The following DZIP1 variants were observed in gnomAD, a reference collection of about 807,000 sequenced individuals.
DZIP1 encodes DAZ interacting zinc finger protein 1.
DZIP1 carries 97 observed loss-of-function variants against 107.6 expected under a neutral mutation model. The ratio of observed to expected loss-of-function variants is 0.90; its 90% CI spans 0.77 to 1.07. The LOEUF (loss-of-function observed/expected upper bound fraction) is 1.07. DZIP1 is among the 50% of genes least tolerant of loss of function. DZIP1 has a pLI of 0.00. For synonymous variants in DZIP1, 390 were observed against 386.4 expected, an observed-to-expected ratio of 1.01 and a Z score of -0.11; for missense variants, 1,035 against 1,063.6, an observed-to-expected ratio of 0.97 and a Z score of 0.37.
chr13:95,588,955 T>C (rs775479405), intron 19 of DZIP1, among the ~76,000 whole-genome samples, 199 bp downstream of exon 19: 8 of 152,128 alleles, frequency 5.3e-5, no homozygotes, highest in Non-Finnish European at 8.8e-5. Flanking sequence ...CCACATGTGG[T>C]TAAGGGCTAT....
chr13:95,591,043 T>C (rs1013777474), intron 16 of DZIP1, among the ~76,000 whole-genome samples: 20 of 150,266 alleles, frequency 1.3e-4, no homozygotes, highest in African/African-American at 3.2e-4. Flanking sequence ...TTTTTTTTTT[T>C]CCTGAGACAG....
At chr13:95,612,807 AGT>A (rs2045056650) in intron 10 of DZIP1, among the ~76,000 whole-genome samples, 2 of 152,122 alleles carry the variant, frequency 1.3e-5, no homozygotes, top group Non-Finnish European at 2.9e-5. Context: ...CTGGTCTCGA[AGT>A]CCTGAACTCA....
chr13:95,641,939 G>C lies in DZIP1; in HGVS notation c.36+55C>G. 8 of 1,520,962 alleles carry C rather than the reference G, an allele frequency of 5.3e-6. No homozygotes were observed. The highest frequency in any genetic ancestry group is 7.0e-6 in the Non-Finnish European group (8 of 1,143,280). 94.2% of individuals were successfully genotyped at this position (1,520,962 alleles called of 1,614,324 possible). ...GGAGCTGGGGGTCCGGGGAAGCCCC[G>C]GTTCTCCCCAGCCCGGCATCCCCGT... On this transcript the variant is annotated intron_variant, in intron 4 of 22. Coordinates refer to ENST00000376829, the MANE Select transcript of DZIP1 (RefSeq NM_198968.4). This position sits in a 1 kb window ranked among gnomAD's most constrained non-coding sequence, Gnocchi z 4.3.
rs543385641 is a variant in DZIP1 at position 95,612,757 on chromosome 13, G to C, written c.1174-580C>G. ...ACACAACCATACCTGGCTAAATTTT[G>C]TATTTTTAGTAGAGGCGGGGTTTCA... On this transcript the variant is annotated intron_variant, in intron 10 of 22. Transcript: ENST00000376829. 1.3e-3 allele frequency among the ~76,000 whole-genome samples: 201 copies of C among 152,208 alleles called. 2 individuals carry two copies. Among genetic ancestry groups the C allele is most frequent in the Non-Finnish European group, 2.5e-3 (172 of 67,998 alleles).
At chr13:95,603,505 C>T (rs2044681643) in intron 14 of DZIP1, among the ~76,000 whole-genome samples, 1 of 152,020 alleles carries the variant, frequency 6.6e-6, no homozygotes, top group Admixed American at 6.6e-5. Flanking sequence ...CCTCACTGCA[C>T]TCGTCGCTCT....
intron 9 of DZIP1, among the ~76,000 whole-genome samples, chr13:95,620,918 G>C (rs1329843467): frequency 6.6e-6 from 1 of 152,204 alleles, no homozygotes; most frequent in Non-Finnish European, 1.5e-5. Flanking sequence ...GTTCAGTTCA[G>C]GACACAGCTC....
intron 15 of DZIP1, among the ~76,000 whole-genome samples, chr13:95,595,182 C>T (rs2044411448): frequency 6.6e-6 from 1 of 152,184 alleles, no homozygotes; most frequent in African/African-American, 2.4e-5. Flanking sequence ...GCTGCCTCAC[C>T]CATCTCAGCA....
intron 10 of DZIP1, among the ~76,000 whole-genome samples, chr13:95,613,218 G>A (rs9525031): frequency 6.6e-6 from 1 of 152,106 alleles, no homozygotes; most frequent in Non-Finnish European, 1.5e-5. Flanking sequence ...GAAACAAAGG[G>A]GGGGCGGCTT....
intron 7 of DZIP1, 138 bp downstream of exon 7, chr13:95,629,851 G>A: frequency 1.2e-6 from 1 of 806,450 alleles, no homozygotes; most frequent in South Asian, 2.7e-5. Flanking sequence ...ATACTAAAGA[G>A]TAGATTGGCA....
chr13:95,625,034 T>A (rs761038036), intron 7 of DZIP1, 105 bp from the exon 8 acceptor site: 11 of 1,016,102 alleles, frequency 1.1e-5, no homozygotes, highest in Non-Finnish European at 1.5e-5. Flanking sequence ...TAGCTAGTAT[T>A]GCTTATTTCA....
chr13:95,612,259 CT>C, intron 10 of DZIP1, 82 bp from the exon 11 acceptor site: 2 of 1,485,756 alleles, frequency 1.3e-6, no homozygotes, highest in Non-Finnish European at 1.8e-6. Flanking sequence ...TATACATGCT[CT>C]GCCTGTTTTG....
At chr13:95,619,783 C>A in intron 10 of DZIP1, 102 bp downstream of exon 10, 1 of 1,183,042 alleles carries the variant, frequency 8.5e-7, no homozygotes, top group South Asian at 1.5e-5. Flanking sequence ...CACATTTCTC[C>A]CCAAATGTTA....
At position 95,641,918 on chromosome 13, in the gene DZIP1, C is replaced by T; in HGVS notation, c.37-63G>A. 2 of 1,441,312 alleles carry T rather than the reference C, an allele frequency of 1.4e-6. No homozygotes were observed. The highest frequency in any genetic ancestry group is 1.8e-6 in the Non-Finnish European group (2 of 1,096,826). 89.3% of individuals were successfully genotyped at this position (1,441,312 alleles called of 1,614,324 possible). A position where few individuals can be genotyped will look rare whatever the true frequency, so the allele number is the denominator to read the frequency against. ...GATGGGGGGCGGGCAGGCTGGGGAG[C>T]TGGGGGTCCGGGGAAGCCCCGGTTC... On this transcript the variant is annotated intron_variant, in intron 4 of 22. Coordinates refer to ENST00000376829, the MANE Select transcript of DZIP1 (RefSeq NM_198968.4). This position sits in a 1 kb window ranked among gnomAD's most constrained non-coding sequence, Gnocchi z 4.3.
intron 5 of DZIP1, among the ~76,000 whole-genome samples, chr13:95,639,626 GA>G (rs1878249692): frequency 6.8e-6 from 1 of 146,836 alleles, no homozygotes; most frequent in Admixed American, 6.8e-5. Context: ...GAGAGAAAGA[GA>G]AAGAAAGAAA....
At chr13:95,610,574 C>T (rs1183611337) in intron 12 of DZIP1, among the ~76,000 whole-genome samples, 3 of 152,046 alleles carry the variant, frequency 2.0e-5, no homozygotes, top group Non-Finnish European at 2.9e-5. Context: ...TCCCAAAATG[C>T]GGGCATTACA....
In DZIP1 at chr13:95,582,411, C is replaced by T. The variant is rs2044032680; in HGVS notation, c.2525-98G>A. 3.0e-6 allele frequency: 3 copies of T among 1,001,988 alleles called. No individual in the cohort carries two copies. In the East Asian group the frequency reaches 7.3e-5, roughly 24 times the overall value. The allele number at this position is 1,001,988 out of a possible 1,614,324, so 62.1% of individuals were successfully genotyped here. On this transcript the variant is annotated intron_variant, in intron 22 of 22. Transcript: ENST00000376829. The stretch of plus-strand genomic sequence containing the variant: ...TCCATAATTTCATATTGTCATTAAT[C>T]ACTCAGTGTCTAAATCTGTTCATGA...
chr13:95,639,073 C>T (rs1479156830), intron 5 of DZIP1, among the ~76,000 whole-genome samples: 2 of 152,150 alleles, frequency 1.3e-5, no homozygotes, highest in South Asian at 4.1e-4. Flanking sequence ...TAACTACATG[C>T]CAAGCACTGC....
chr13:95,626,986 C>A (rs935324260), intron 7 of DZIP1, among the ~76,000 whole-genome samples: 2 of 152,188 alleles, frequency 1.3e-5, no homozygotes, highest in East Asian at 1.9e-4. Context: ...CAATAACCTT[C>A]TTTGCAGAAA....
chr13:95,625,379 A>G (rs1876407270), intron 7 of DZIP1, among the ~76,000 whole-genome samples: 1 of 152,188 alleles, frequency 6.6e-6, no homozygotes, highest in Non-Finnish European at 1.5e-5. Flanking sequence ...TGATTTCTCA[A>G]TGACCTTCAG....
Sources: gnomAD v4.1 joint callset for allele counts (sites outside exome capture counted in the v4.1 genomes callset) on GRCh38, gnomAD v4.1.1 for gene constraint, Gnocchi (gnomAD v3.1) non-coding constraint, MANE v1.5 for transcripts, NCBI Gene and HGNC (gene_info 2026-07-23, HGNC 2026-07-21) for gene names.